Variants in ADAM12 observed in about 807,000 individuals in gnomAD.
ADAM12 encodes disintegrin and metalloproteinase domain-containing protein 12.
ADAM12 carries 70 observed loss-of-function variants against 106.4 expected under a neutral mutation model. The observed-to-expected ratio is 0.66, with a 90% CI of 0.54 to 0.80. The LOEUF (loss-of-function observed/expected upper bound fraction) is 0.80. ADAM12 is among the 30% of genes least tolerant of loss of function. The pLI, the probability that ADAM12 is intolerant of heterozygous loss-of-function variation, is 0.00. For synonymous variants in ADAM12, 420 were observed against 433.5 expected (o/e 0.97, Z 0.39); for missense variants, 1,010 against 1,171.9 (o/e 0.86, Z 2.02).
At chr10:126,239,141 T>C (rs1958474532) in intron 3 of ADAM12, among the ~76,000 whole-genome samples, 1 of 152,238 alleles carries the variant, frequency 6.6e-6, no homozygotes, top group Non-Finnish European at 1.5e-5. Context: ...CCAGCAATAA[T>C]GCCAGTGTTA....
At position 126,130,709 on chromosome 10, in the gene ADAM12, G is replaced by A. The variant is rs548891145; in HGVS notation, c.416+4875C>T. ...GGGAGGCTGAAAGAGCTAAGGCAGCGTGCCTGGCACACGGTGACTACAGGG... is the reference window on the plus strand; with the variant it reads ...GGGAGGCTGAAAGAGCTAAGGCAGCATGCCTGGCACACGGTGACTACAGGG... On this transcript the variant is annotated intron_variant, in intron 5 of 22. Transcript: ENST00000448723. 5.3e-5 allele frequency among the ~76,000 whole-genome samples: 8 copies of A among 152,294 alleles called. No individual in the cohort carries two copies. The East Asian group carries it at 5.8e-4, about 11-fold the overall frequency.
At chr10:126,336,462 A>G (rs1463057920) in intron 1 of ADAM12, among the ~76,000 whole-genome samples, 1 of 152,212 alleles carries the variant, frequency 6.6e-6, no homozygotes, top group African/African-American at 2.4e-5. Context: ...CGGAAGATGC[A>G]GTACCTGCAG....
At chr10:126,054,524 G>A (rs1480759358) in intron 14 of ADAM12, among the ~76,000 whole-genome samples, 1 of 152,120 alleles carries the variant, frequency 6.6e-6, no homozygotes, top group Non-Finnish European at 1.5e-5. Context: ...GCATGTATGG[G>A]GTCTAAGAAA....
intron 21 of ADAM12, among the ~76,000 whole-genome samples, chr10:126,025,354 G>A (rs1431542166): frequency 1.3e-5 from 2 of 152,106 alleles, no homozygotes; most frequent in African/African-American, 4.8e-5. Flanking sequence ...GAACATAACT[G>A]GCCTGTTAGA....
rs185449833 is a variant in ADAM12, at chr10:126,322,549, C to G, written c.186+7863G>C. ...AACTCCCAGGCCAGTGCCCTCCCCCCACACACAGCAAAGGCTTATCCAGCC... is the reference window on the plus strand; with the variant it reads ...AACTCCCAGGCCAGTGCCCTCCCCCGACACACAGCAAAGGCTTATCCAGCC... On this transcript the variant is annotated intron_variant, in intron 2 of 22. Coordinates refer to ENST00000448723, the MANE Select transcript of ADAM12 (RefSeq NM_001288973.2). 3.3e-5 allele frequency among the ~76,000 whole-genome samples: 5 copies of G among 152,208 alleles called. No individual in the cohort carries two copies. In the East Asian group the frequency reaches 5.8e-4, roughly 18 times the overall value.
chr10:126,246,535 C>T (rs1246563304), intron 3 of ADAM12, among the ~76,000 whole-genome samples: 2 of 152,190 alleles, frequency 1.3e-5, no homozygotes, highest in African/African-American at 2.4e-5. Context: ...GCTTATCCAC[C>T]ACAATCAAGT....
chr10:126,041,996 G>A (rs1371017253), intron 18 of ADAM12: 20 of 1,437,678 alleles, frequency 1.4e-5, no homozygotes, highest in South Asian at 1.3e-4. Flanking sequence ...CCTGAGCCCC[G>A]AGAACTGTGT....
chr10:126,104,501 G>A (rs74232075), intron 8 of ADAM12, among the ~76,000 whole-genome samples: 2,199 of 150,968 alleles, frequency 0.015, 73 homozygotes, highest in East Asian at 0.08. Flanking sequence ...ATACATAGAC[G>A]ATGAGTCCTT....
At chr10:126,280,829 C>T (rs1959538852) in intron 2 of ADAM12, among the ~76,000 whole-genome samples, 1 of 152,130 alleles carries the variant, frequency 6.6e-6, no homozygotes, top group African/African-American at 2.4e-5. Context: ...GATGGATTTA[C>T]TCTAGCAAAA....
At chr10:126,283,630 T>C (rs1327125708) in intron 2 of ADAM12, among the ~76,000 whole-genome samples, 1 of 152,226 alleles carries the variant, frequency 6.6e-6, no homozygotes, top group African/African-American at 2.4e-5. Flanking sequence ...TCATGTTTTC[T>C]GACCATTTCC....
intron 22 of ADAM12, among the ~76,000 whole-genome samples, chr10:126,018,025 T>C (rs1953692199): frequency 6.6e-6 from 1 of 152,254 alleles, no homozygotes; most frequent in Non-Finnish European, 1.5e-5. Flanking sequence ...TAGGATGCTA[T>C]GCAATTTTTC....
At chr10:126,136,819 T>A (rs10901533) in intron 4 of ADAM12, among the ~76,000 whole-genome samples, 21,803 of 152,072 alleles carry the variant, frequency 0.14, 1,640 homozygotes, top group South Asian at 0.2. Context: ...TGCAGGGACA[T>A]TTATTATTCT....
chr10:126,299,655 T>G (rs989799414), intron 2 of ADAM12, among the ~76,000 whole-genome samples: 2 of 152,182 alleles, frequency 1.3e-5, no homozygotes, highest in African/African-American at 4.8e-5. Flanking sequence ...AGCTTTTTTT[T>G]TTCTTTTTTT....
chr10:126,314,506 G>A (rs979087311), intron 2 of ADAM12, among the ~76,000 whole-genome samples: 9 of 152,120 alleles, frequency 5.9e-5, no homozygotes, highest in Non-Finnish European at 1.3e-4. Context: ...GACAAATTTT[G>A]GGAGCACCCT....
rs763735101 is a variant in ADAM12, at chr10:126,036,194, G to A, written c.2481C>T (p.Ser827=). 20 of 1,537,394 alleles carry A rather than the reference G, an allele frequency of 1.3e-5. No individual in the cohort carries two copies. Among genetic ancestry groups the A allele is most frequent in the East Asian group, 5.1e-5 (2 of 39,048 alleles). Residue 827 remains serine (S), a synonymous_variant, in exon 21 of 23, where the codon AGC becomes AGT. Transcript: ENST00000448723. ...TGGCTGGCAGGGGTCTGGCAGGGAC[G>A]CTAGGTGCACGTGGAGCCCGGTGGA... ...PPLHRAPRAP[S]VPARPLPAKP...
intron 2 of ADAM12, among the ~76,000 whole-genome samples, chr10:126,309,615 C>T (rs1170556194): frequency 1.3e-5 from 2 of 152,184 alleles, no homozygotes; most frequent in Non-Finnish European, 2.9e-5. Flanking sequence ...AATTAAAGTG[C>T]TCCTATTGCA....
intron 1 of ADAM12, among the ~76,000 whole-genome samples, chr10:126,335,421 A>G (rs1277129039): frequency 1.3e-5 from 2 of 152,226 alleles, no homozygotes; most frequent in African/African-American, 4.8e-5. Context: ...TGGGGCAGCC[A>G]TTTGCCAAGA....
rs542655093 is a variant in ADAM12 at position 126,053,411 on chromosome 10, C to A, written c.1610-3742G>T. On this transcript the variant is annotated intron_variant, in intron 14 of 22. Transcript: ENST00000448723. This position sits in a 1 kb window ranked among gnomAD's most constrained non-coding sequence, Gnocchi z 4.6. ...ACCAGGTGTGTGTAAGATGCAATGC[C>A]TTGTTTACCAATAACGCAGAAGCAT... Among the ~76,000 whole-genome samples the A allele has an allele frequency of 4.2e-4, 64 of 152,228 alleles. No individual in the cohort carries two copies. The highest frequency in any genetic ancestry group is 1.4e-3 in the African/African-American group (60 of 41,534).
intron 19 of ADAM12, among the ~76,000 whole-genome samples, chr10:126,038,959 T>C (rs1954108075): frequency 7.9e-6 from 1 of 126,950 alleles, no homozygotes; most frequent in African/African-American, 2.8e-5. Flanking sequence ...TTTCTTTTTT[T>C]TTTTTTTTTT....
Sources: allele counts gnomAD v4.1 joint callset (sites outside exome capture counted in the v4.1 genomes callset), GRCh38; gene constraint gnomAD v4.1.1; non-coding constraint Gnocchi (gnomAD v3.1); transcripts MANE v1.5; gene names NCBI Gene and HGNC (gene_info 2026-07-23, HGNC 2026-07-21).